The following GADL1 variants were observed in gnomAD, a reference collection of about 807,000 sequenced individuals.
GADL1 encodes GAD like acidic amino acid decarboxylase 1.
Under a neutral mutation model 69.5 loss-of-function variants are expected in GADL1, and 71 were observed. That is an observed-to-expected ratio of 1.02 (90% CI 0.84 to 1.25). The LOEUF (loss-of-function observed/expected upper bound fraction) is 1.25. Among genes scored for constraint, GADL1 ranks in the 50% most tolerant of loss-of-function variants. GADL1 has a pLI of 0.00. For synonymous variants in GADL1, 254 were observed against 214.4 expected, an observed-to-expected ratio of 1.18 and a Z score of -1.62; for missense variants, 737 against 631.8, an observed-to-expected ratio of 1.17 and a Z score of -1.79.
At chr3:30,870,226 T>C (rs10510641) in intron 1 of GADL1, among the ~76,000 whole-genome samples, 24,277 of 151,718 alleles carry the variant, frequency 0.16, 2,477 homozygotes, top group East Asian at 0.37. Context: ...AATGACTTCA[T>C]AGAATAAGGA....
At chr3:30,834,028 C>G in intron 10 of GADL1, 94 bp from the exon 11 acceptor site, 1 of 960,026 alleles carries the variant, frequency 1.0e-6, no homozygotes, top group Non-Finnish European at 1.7e-6. Flanking sequence ...GCATTCAGTA[C>G]TCATACATAG....
chr3:30,804,367 T>A (rs1697217415), intron 11 of GADL1, among the ~76,000 whole-genome samples: 1 of 152,198 alleles, frequency 6.6e-6, no homozygotes, highest in African/African-American at 2.4e-5. Context: ...AAGAGACAAC[T>A]TCTGCTGGTG....
intron 14 of GADL1, among the ~76,000 whole-genome samples, chr3:30,769,447 C>T (rs1193076359): frequency 6.6e-6 from 1 of 152,104 alleles, no homozygotes. Flanking sequence ...AGGATGATTC[C>T]TATCTGTAGA....
chr3:30,775,097 TCA>T (rs1384695319), intron 14 of GADL1, among the ~76,000 whole-genome samples: 13 of 152,188 alleles, frequency 8.5e-5, no homozygotes, highest in African/African-American at 2.4e-4. Context: ...GCATCCAGTA[TCA>T]CAGTGTCATT....
chr3:30,758,811 C>A (rs1696045457), intron 14 of GADL1, among the ~76,000 whole-genome samples: 2 of 152,172 alleles, frequency 1.3e-5, no homozygotes, highest in South Asian at 4.1e-4. Context: ...GCCATCCTTG[C>A]CATTAGGCAG....
At chr3:30,788,175 T>C (rs1696838125) in intron 12 of GADL1, among the ~76,000 whole-genome samples, 1 of 152,164 alleles carries the variant, frequency 6.6e-6, no homozygotes, top group Non-Finnish European at 1.5e-5. Flanking sequence ...AGCAATTCCA[T>C]TGCTCAACAG....
intron 1 of GADL1, among the ~76,000 whole-genome samples, chr3:30,887,415 C>A (rs1236354391): frequency 1.3e-5 from 2 of 151,990 alleles, no homozygotes; most frequent in African/African-American, 4.8e-5. Flanking sequence ...AGGAAGGGAA[C>A]CTGGTAGCTT....
intron 2 of GADL1, among the ~76,000 whole-genome samples, chr3:30,860,050 T>C (rs1414376246): frequency 6.6e-6 from 1 of 151,918 alleles, no homozygotes; most frequent in Non-Finnish European, 1.5e-5. Context: ...TTTCCATTAT[T>C]GACCTTCCTG....
chr3:30,785,319 A>G (rs1271485548), intron 13 of GADL1, among the ~76,000 whole-genome samples: 1 of 151,928 alleles, frequency 6.6e-6, no homozygotes, highest in Admixed American at 6.6e-5. Context: ...AGAACCATGC[A>G]TGACATAGTA....
In GADL1 at chr3:30,848,023, C is replaced by T. The variant is rs544119732; in HGVS notation, c.651+1973G>A. On this transcript the variant is annotated intron_variant, in intron 6 of 14. Transcript: ENST00000282538. ...AAAAAACCTGAGCTGATAACCTGGG[C>T]GCTATTTAATCAGCTTTCCCAAGCT... 1.5e-3 allele frequency among the ~76,000 whole-genome samples: 231 copies of T among 152,224 alleles called. 1 individual carries two copies. Among genetic ancestry groups the T allele is most frequent in the Non-Finnish European group, 2.7e-3 (184 of 68,010 alleles).
At chr3:30,854,882 AAGC>A (rs1698203839) in intron 3 of GADL1, 93 bp from the exon 4 acceptor site, 11 of 678,744 alleles carry the variant, frequency 1.6e-5, no homozygotes, top group African/African-American at 7.3e-5. Context: ...CAGAAAATGA[AAGC>A]AGACACACAC....
rs71093938 is a variant in GADL1, at chr3:30,785,382, CT to C, written c.1302+972del. On this transcript the variant is annotated intron_variant, in intron 13 of 14. Transcript: ENST00000282538. ...TACCAAAAAAGCTAGATTTCTTTTTCTTTTTTTTTTTTTCCCCCCGAGACAG... is the reference window on the plus strand; with the variant it reads ...TACCAAAAAAGCTAGATTTCTTTTTCTTTTTTTTTTTTCCCCCCGAGACAG... Among the ~76,000 whole-genome samples the C allele has an allele frequency of 4.7e-3, 583 of 124,380 alleles. 5 individuals are homozygous for C. The highest frequency in any genetic ancestry group is 0.015 in the Middle Eastern group (4 of 260). 81.6% of individuals were successfully genotyped at this position (124,380 alleles called of 152,430 possible).
intron 2 of GADL1, among the ~76,000 whole-genome samples, chr3:30,857,988 A>G (rs560427986): frequency 8.5e-5 from 13 of 152,124 alleles, no homozygotes; most frequent in East Asian, 1.9e-4. Context: ...CACTTTCTCA[A>G]CAACAGCAAT....
chr3:30,828,988 T>C (rs1190834798), intron 11 of GADL1, among the ~76,000 whole-genome samples: 1 of 151,722 alleles, frequency 6.6e-6, no homozygotes, highest in Non-Finnish European at 1.5e-5. Flanking sequence ...ACCTGTTGAG[T>C]TTTTTTTAAA....
intron 6 of GADL1, among the ~76,000 whole-genome samples, chr3:30,846,498 T>G (rs966872733): frequency 1.3e-5 from 2 of 151,760 alleles, no homozygotes; most frequent in African/African-American, 4.9e-5. Flanking sequence ...CCTGGACACC[T>G]GGACTCCAGT....
chr3:30,807,564 A>G (rs977007552), intron 11 of GADL1, among the ~76,000 whole-genome samples: 1 of 152,216 alleles, frequency 6.6e-6, no homozygotes, highest in Non-Finnish European at 1.5e-5. Flanking sequence ...AAGGTATCAC[A>G]TAAAATAAGA....
chr3:30,770,254 G>C (rs1185323201), intron 14 of GADL1, among the ~76,000 whole-genome samples: 1 of 151,940 alleles, frequency 6.6e-6, no homozygotes, highest in African/African-American at 2.4e-5. Context: ...AATAAAATCA[G>C]AGACACAGTG....
chr3:30,771,042 C>T (rs919363194), intron 14 of GADL1, among the ~76,000 whole-genome samples: 1 of 152,146 alleles, frequency 6.6e-6, no homozygotes, highest in Admixed American at 6.6e-5. Flanking sequence ...ATGAACTTCC[C>T]GTTAAACATG....
chr3:30,853,867 CTA>C (rs1273627575), intron 4 of GADL1, among the ~76,000 whole-genome samples: 2 of 152,080 alleles, frequency 1.3e-5, no homozygotes, highest in Non-Finnish European at 2.9e-5. Context: ...CCCCTCCAAC[CTA>C]TTTATATTTT....
Sources: gnomAD v4.1 joint callset for allele counts (sites outside exome capture counted in the v4.1 genomes callset) on GRCh38, gnomAD v4.1.1 for gene constraint, MANE v1.5 for transcripts, NCBI Gene and HGNC (gene_info 2026-07-23, HGNC 2026-07-21) for gene names.